Variants in RGS7 observed in about 807,000 individuals in gnomAD.
RGS7 encodes the protein regulator of G-protein signaling 7.
In RGS7, 27 loss-of-function variants were observed where a neutral mutation model predicts 81.1. The observed-to-expected ratio is 0.33, with a 90% CI of 0.25 to 0.46. The LOEUF (loss-of-function observed/expected upper bound fraction) is 0.46, where lower values mean the gene tolerates loss of function less well. Ranked by LOEUF, RGS7 falls within the 20% of genes least tolerant of loss-of-function variation. The pLI, the probability that RGS7 is intolerant of heterozygous loss-of-function variation, is 1.00. For synonymous variants in RGS7, 208 were observed against 207.7 expected, an observed-to-expected ratio of 1.00 and a Z score of -0.01; for missense variants, 396 against 607.4, an observed-to-expected ratio of 0.65 and a Z score of 3.66.
rs770307693 is a variant in RGS7, at chr1:240,844,710, C to CA, written c.610-17539dup. On this transcript the variant is annotated intron_variant, in intron 9 of 18. Transcript: ENST00000440928. ...TAGCGGCTTGTGATAGCCAGATTGTCAAAATATTTTTCAATCCAAAGGAAC... is the reference window on the plus strand; with the variant it reads ...TAGCGGCTTGTGATAGCCAGATTGTCAAAAATATTTTTCAATCCAAAGGAAC... 1.4e-4 allele frequency among the ~76,000 whole-genome samples: 22 copies of CA among 152,246 alleles called. No individual in the cohort carries two copies. In the East Asian group the frequency reaches 4.1e-3, roughly 28 times the overall value.
intron 3 of RGS7, among the ~76,000 whole-genome samples, chr1:241,002,004 T>A (rs1433499364): frequency 1.3e-5 from 2 of 151,810 alleles, no homozygotes; most frequent in African/African-American, 2.4e-5. Flanking sequence ...TCAGTGGAGG[T>A]TCACTGAACC....
intron 3 of RGS7, among the ~76,000 whole-genome samples, chr1:241,074,186 T>C (rs2062660373): frequency 6.6e-6 from 1 of 152,160 alleles, no homozygotes; most frequent in East Asian, 1.9e-4. Flanking sequence ...GCTTGAGCCA[T>C]CATGCCCTCC....
chr1:241,248,867 A>C (rs1294958673), intron 2 of RGS7, among the ~76,000 whole-genome samples: 1 of 152,184 alleles, frequency 6.6e-6, no homozygotes, highest in Non-Finnish European at 1.5e-5. Flanking sequence ...CACAAGGCTC[A>C]AGCTTATCAT....
At chr1:241,123,333 T>C (rs1477384351) in intron 2 of RGS7, among the ~76,000 whole-genome samples, 1 of 152,208 alleles carries the variant, frequency 6.6e-6, no homozygotes, top group Non-Finnish European at 1.5e-5. Flanking sequence ...ACTGCCTTAG[T>C]TCAGGCAGTT....
intron 2 of RGS7, among the ~76,000 whole-genome samples, chr1:241,213,344 G>A (rs900778953): frequency 1.3e-5 from 2 of 152,140 alleles, no homozygotes; most frequent in Admixed American, 1.3e-4. Flanking sequence ...TTTCAAGTTA[G>A]CTGACTCAGG....
intron 3 of RGS7, among the ~76,000 whole-genome samples, chr1:241,015,990 C>G (rs1360000044): frequency 6.6e-6 from 1 of 152,184 alleles, no homozygotes. Context: ...TTTAATCAAG[C>G]TATTTGTTCA....
At chr1:241,192,020 T>C (rs2072692640) in intron 2 of RGS7, among the ~76,000 whole-genome samples, 1 of 152,248 alleles carries the variant, frequency 6.6e-6, no homozygotes, top group Admixed American at 6.5e-5. Context: ...CTACGTTTTC[T>C]ACTCAGGCTT....
At chr1:241,131,338 T>G (rs1050998674) in intron 2 of RGS7, among the ~76,000 whole-genome samples, 1 of 152,180 alleles carries the variant, frequency 6.6e-6, no homozygotes, top group African/African-American at 2.4e-5. Context: ...TCTAGAACAA[T>G]AGTTTTCCAA....
intron 18 of RGS7, among the ~76,000 whole-genome samples, chr1:240,789,332 G>C (rs1344212041): frequency 6.6e-6 from 1 of 152,132 alleles, no homozygotes; most frequent in Non-Finnish European, 1.5e-5. Flanking sequence ...AATTGTTGTA[G>C]AGCATGTGTG....
chr1:241,221,801 T>C (rs186148585), intron 2 of RGS7, among the ~76,000 whole-genome samples: 3 of 152,334 alleles, frequency 2.0e-5, no homozygotes, highest in African/African-American at 7.2e-5. Flanking sequence ...TTCTCTGGGT[T>C]TCCAAAGTTC....
At chr1:241,089,926 G>A (rs80255115) in intron 3 of RGS7, among the ~76,000 whole-genome samples, 14 of 150,822 alleles carry the variant, frequency 9.3e-5, no homozygotes, top group Non-Finnish European at 1.9e-4. Context: ...CCTGGGAGGT[G>A]GAGCTTGAAG....
rs895068133 is a variant in RGS7 at position 241,289,333 on chromosome 1, C to T, written c.78+66366G>A. On this transcript the variant is annotated intron_variant, in intron 2 of 18. Transcript: ENST00000440928. ...CTGCTTTATCTAGCAAATGCCCACTCATTATTCAAATTTAGTGCAATTATC... is the reference window on the plus strand; with the variant it reads ...CTGCTTTATCTAGCAAATGCCCACTTATTATTCAAATTTAGTGCAATTATC... Among the ~76,000 whole-genome samples the T allele has an allele frequency of 3.9e-5, 6 of 152,326 alleles. 1 individual carries two copies. The highest frequency in any genetic ancestry group is 3.4e-3 in the Middle Eastern group (1 of 294).
At chr1:241,127,577 G>T (rs1439237093) in intron 2 of RGS7, among the ~76,000 whole-genome samples, 1 of 152,030 alleles carries the variant, frequency 6.6e-6, no homozygotes, top group Non-Finnish European at 1.5e-5. Flanking sequence ...AGCGTTAGGA[G>T]ATATACCTAA....
At chr1:241,006,179 G>A (rs1465325059) in intron 3 of RGS7, among the ~76,000 whole-genome samples, 2 of 152,048 alleles carry the variant, frequency 1.3e-5, no homozygotes, top group Admixed American at 6.5e-5. Flanking sequence ...ATTTTTAAGT[G>A]GCCTCAGTTA....
chr1:240,824,113 C>G (rs897366157), intron 10 of RGS7, among the ~76,000 whole-genome samples: 1 of 152,154 alleles, frequency 6.6e-6, no homozygotes, highest in South Asian at 2.1e-4. Flanking sequence ...TCAAATCATG[C>G]ATACAGCAAA....
chr1:240,793,782 T>C (rs1373938141), intron 18 of RGS7, among the ~76,000 whole-genome samples: 1 of 151,222 alleles, frequency 6.6e-6, no homozygotes, highest in Non-Finnish European at 1.5e-5. Context: ...GTTAATTTTT[T>C]TTTGTATTGT....
intron 2 of RGS7, among the ~76,000 whole-genome samples, chr1:241,235,670 CTCTCTCTTTCTT>C (rs2075914050): frequency 3.9e-5 from 3 of 76,674 alleles, no homozygotes; most frequent in African/African-American, 1.0e-4. Context: ...TTCTCTTTCT[CTCTCTCTTTCTT>C]TCTCTCTCTC....
At chr1:241,257,560 G>GT (rs2077111095) in intron 2 of RGS7, among the ~76,000 whole-genome samples, 1 of 152,178 alleles carries the variant, frequency 6.6e-6, no homozygotes, top group African/African-American at 2.4e-5. Flanking sequence ...TGCCCAAAAT[G>GT]TTTTTATCTA....
At chr1:240,814,664 G>T (rs12744536) in intron 12 of RGS7, 52 bp downstream of exon 12, 729,664 of 1,072,642 alleles carry the variant, frequency 0.68, 254,480 homozygotes, top group Non-Finnish European at 0.74. Context: ...TTAAACACAT[G>T]TAATTGTCAT....
Sources: allele counts gnomAD v4.1 joint callset (sites outside exome capture counted in the v4.1 genomes callset), GRCh38; gene constraint gnomAD v4.1.1; transcripts MANE v1.5; gene names NCBI Gene and HGNC (gene_info 2026-07-23, HGNC 2026-07-21).